SERPINB7: variants seen among roughly 807,000 people sequenced by gnomAD.
SERPINB7 encodes the protein serpin B7.
A neutral mutation model predicts 37.4 loss-of-function variants in SERPINB7; 31 were observed. The observed-to-expected ratio is 0.83, with a 90% confidence interval of 0.62 to 1.12. SERPINB7 has a LOEUF of 1.12. Ranked by LOEUF, SERPINB7 falls within the 50% of genes most tolerant of loss-of-function variation. The pLI is 0.00. For synonymous variants in SERPINB7, 163 were observed against 166.1 expected (o/e 0.98, Z 0.14); for missense variants, 521 against 455.3 (o/e 1.14, Z -1.31).
At chr18:63,765,081 C>T (rs2144589284) in intron 1 of SERPINB7, among the ~76,000 whole-genome samples, 1 of 152,130 alleles carries the variant, frequency 6.6e-6, no homozygotes, top group South Asian at 2.1e-4. Context: ...CTCTGTGATT[C>T]CTTTGTTTTT....
At chr18:63,768,408 A>G (rs2049192505) in intron 1 of SERPINB7, among the ~76,000 whole-genome samples, 2 of 152,064 alleles carry the variant, frequency 1.3e-5, no homozygotes, top group South Asian at 4.1e-4. Context: ...GTATAATGAT[A>G]TCAGAATTAT....
chr18:63,786,142 T>TACATATATAC lies in SERPINB7; in HGVS notation c.168+3605_168+3606insTATATACACA, dbSNP rs2049368266. Among the ~76,000 whole-genome samples the TACATATATAC allele has an allele frequency of 7.4e-4, 34 of 45,980 alleles. 4 individuals carry two copies. The highest frequency in any genetic ancestry group is 2.1e-3 in the African/African-American group (33 of 15,736). 30.2% of individuals were successfully genotyped at this position (45,980 alleles called of 152,430 possible). ...GTATATATATACGTATATACATATA[T>TACATATATAC]ACACACACACACACACACACACACC... On this transcript the variant is annotated intron_variant, in intron 2 of 7. Coordinates refer to ENST00000398019, the MANE Select transcript of SERPINB7 (RefSeq NM_003784.4).
upstream of SERPINB7, among the ~76,000 whole-genome samples, chr18:63,771,905 G>A (rs1317323684): frequency 1.3e-5 from 2 of 150,456 alleles, no homozygotes; most frequent in Non-Finnish European, 3.0e-5. Flanking sequence ...AAGGCTTCAT[G>A]GTTCAAAAAG....
At chr18:63,757,480 T>G (rs2049128690) in intron 1 of SERPINB7, among the ~76,000 whole-genome samples, 1 of 152,216 alleles carries the variant, frequency 6.6e-6, no homozygotes, top group African/African-American at 2.4e-5. Context: ...TGTCAAGATT[T>G]AACTGTGTTG....
upstream of SERPINB7, among the ~76,000 whole-genome samples, chr18:63,770,448 AG>A (rs1452137378): frequency 6.6e-6 from 1 of 151,932 alleles, no homozygotes; most frequent in African/African-American, 2.4e-5. Flanking sequence ...TGTAATTAGC[AG>A]GAAAGAATAT....
At chr18:63,790,408 C>A (rs2049414874) in intron 2 of SERPINB7, among the ~76,000 whole-genome samples, 1 of 152,118 alleles carries the variant, frequency 6.6e-6, no homozygotes, top group African/African-American at 2.4e-5. Context: ...GGGGAGGAAG[C>A]ATTTAATCAC....
At position 63,795,003 on chromosome 18, in the gene SERPINB7, G is replaced by A. The variant is rs528346826; in HGVS notation, c.337-1263G>A. ...CATCTTTCCACAAAAATATATTTGT[G>A]TATATTCATTGAATTACTAATGTGT... On this transcript the variant is annotated intron_variant, in intron 4 of 7. Transcript: ENST00000398019. Among the ~76,000 whole-genome samples, 7 of 152,262 alleles carry A rather than the reference G, an allele frequency of 4.6e-5. 1 individual carries two copies. In the South Asian group the frequency reaches 1.0e-3, roughly 23 times the overall value.
At chr18:63,785,251 C>T (rs998981484) in intron 2 of SERPINB7, among the ~76,000 whole-genome samples, 1 of 152,212 alleles carries the variant, frequency 6.6e-6, no homozygotes, top group Non-Finnish European at 1.5e-5. Flanking sequence ...CGACCCTTGT[C>T]ACCATAAATC....
chr18:63,802,314 T>A (rs1568215971), intron 7 of SERPINB7, among the ~76,000 whole-genome samples: 1 of 152,216 alleles, frequency 6.6e-6, no homozygotes, highest in Non-Finnish European at 1.5e-5. Flanking sequence ...TGATCTTTTT[T>A]CAGCCCTTTT....
intron 4 of SERPINB7, among the ~76,000 whole-genome samples, chr18:63,795,576 T>TAAAAAA (rs5825537): frequency 8.6e-6 from 1 of 115,782 alleles, no homozygotes; most frequent in Non-Finnish European, 1.9e-5. Context: ...AAAAAAGAAT[T>TAAAAAA]AAAAAAAAAA....
intron 1 of SERPINB7, among the ~76,000 whole-genome samples, chr18:63,776,319 C>T (rs1355971764): frequency 6.6e-6 from 1 of 151,990 alleles, no homozygotes; most frequent in South Asian, 2.1e-4. Flanking sequence ...CCTCCCCACC[C>T]ACTAGGGGTA....
At chr18:63,797,245 A>G (rs1410436064) in intron 5 of SERPINB7, among the ~76,000 whole-genome samples, 5 of 152,218 alleles carry the variant, frequency 3.3e-5, no homozygotes, top group Admixed American at 1.3e-4. Context: ...GAAATATGAT[A>G]TAATATATCT....
chr18:63,789,363 C>A (rs1289040500), intron 2 of SERPINB7, among the ~76,000 whole-genome samples: 1 of 152,148 alleles, frequency 6.6e-6, no homozygotes, highest in Non-Finnish European at 1.5e-5. Context: ...CCCTGAGAGA[C>A]AAACTTCATC....
At chr18:63,787,847 T>C (rs1193674735) in intron 2 of SERPINB7, among the ~76,000 whole-genome samples, 2 of 152,204 alleles carry the variant, frequency 1.3e-5, no homozygotes, top group Non-Finnish European at 1.5e-5. Context: ...TGGTCTATGA[T>C]GGACCACATA....
At chr18:63,768,525 A>T (rs754506602) in intron 1 of SERPINB7, among the ~76,000 whole-genome samples, 2 of 152,126 alleles carry the variant, frequency 1.3e-5, no homozygotes, top group Non-Finnish European at 2.9e-5. Context: ...AAAGTCACTT[A>T]GGTTCATGCC....
chr18:63,782,245 A>G (rs890023928), intron 1 of SERPINB7, 110 bp from the exon 2 acceptor site: 1 of 703,194 alleles, frequency 1.4e-6, no homozygotes, highest in Non-Finnish European at 2.0e-6. Flanking sequence ...GATTACCTCC[A>G]AGGCTGAAAA....
At chr18:63,790,308 T>G (rs930954951) in intron 2 of SERPINB7, among the ~76,000 whole-genome samples, 1 of 152,210 alleles carries the variant, frequency 6.6e-6, no homozygotes, top group African/African-American at 2.4e-5. Context: ...AGGGGGCAAG[T>G]GCTGAAAAGT....
chr18:63,761,597 A>G (rs1157575016), intron 1 of SERPINB7, among the ~76,000 whole-genome samples: 1 of 152,160 alleles, frequency 6.6e-6, no homozygotes, highest in Non-Finnish European at 1.5e-5. Context: ...TATCTCCCAG[A>G]ATTCCCACAT....
rs373436910 is a variant in SERPINB7, at chr18:63,804,641, C to T, written c.*6C>T. On this transcript the variant is annotated 3_prime_UTR_variant, in exon 8 of 8. Transcript: ENST00000398019. ...GCAAAGTTTCTTGCCCTTGAAAATC[C>T]AATTGGTTTCTGTTATAGCAGTCCC... is the stretch of plus-strand genomic sequence containing the variant. 1.4e-5 allele frequency: 22 copies of T among 1,598,004 alleles called. No homozygotes were observed. In the African/African-American group the frequency reaches 2.8e-4, roughly 20 times the overall value.
Sources: gnomAD v4.1 joint callset for allele counts (sites outside exome capture counted in the v4.1 genomes callset) on GRCh38, gnomAD v4.1.1 for gene constraint, MANE v1.5 for transcripts, NCBI Gene and HGNC (gene_info 2026-07-23, HGNC 2026-07-21) for gene names.